Variants in CDC42BPA observed in about 807,000 individuals in gnomAD.
CDC42BPA encodes serine/threonine-protein kinase MRCK alpha.
Under a neutral mutation model 223.5 loss-of-function variants are expected in CDC42BPA, and 80 were observed. That is an observed-to-expected ratio of 0.36 (90% CI 0.30 to 0.43). The LOEUF (loss-of-function observed/expected upper bound fraction) is 0.43. CDC42BPA is among the 20% of genes least tolerant of loss of function. The pLI, the probability that CDC42BPA is intolerant of heterozygous loss-of-function variation, is 1.00. For synonymous variants in CDC42BPA, 694 were observed against 718.6 expected (o/e 0.97, Z 0.55); for missense variants, 1,743 against 2,099.9 (o/e 0.83, Z 3.32).
intron 5 of CDC42BPA, among the ~76,000 whole-genome samples, chr1:227,191,730 T>C (rs1399933257): frequency 6.6e-6 from 1 of 152,180 alleles, no homozygotes; most frequent in Non-Finnish European, 1.5e-5. Flanking sequence ...TAAATGATAG[T>C]CCTCAGCTAG....
chr1:227,128,902 A>G (rs1204417957), intron 11 of CDC42BPA, among the ~76,000 whole-genome samples: 5 of 152,138 alleles, frequency 3.3e-5, no homozygotes, highest in Non-Finnish European at 1.5e-5. Context: ...TAGCCTTTTC[A>G]TATGTATTGC....
intron 11 of CDC42BPA, among the ~76,000 whole-genome samples, chr1:227,121,234 T>C (rs575252067): frequency 1.4e-4 from 22 of 152,326 alleles, no homozygotes; most frequent in Non-Finnish European, 2.2e-4. Flanking sequence ...GCAGAATCTA[T>C]ACAGTATCCT....
intron 34 of CDC42BPA, among the ~76,000 whole-genome samples, chr1:227,006,369 T>C (rs1664050771): frequency 2.0e-5 from 3 of 152,270 alleles, no homozygotes; most frequent in South Asian, 4.2e-4. Context: ...GCACAGGCTA[T>C]GGAGGGATTT....
chr1:227,181,448 T>C (rs1667917337), intron 5 of CDC42BPA, among the ~76,000 whole-genome samples: 1 of 152,246 alleles, frequency 6.6e-6, no homozygotes, highest in South Asian at 2.1e-4. Flanking sequence ...GTCCTCCTTC[T>C]TTAAGCTATT....
chr1:227,201,713 G>A (rs1671795486), intron 3 of CDC42BPA, among the ~76,000 whole-genome samples: 1 of 150,810 alleles, frequency 6.6e-6, no homozygotes, highest in African/African-American at 2.4e-5. Flanking sequence ...TATTCACATG[G>A]TATCCCACCT....
chr1:227,136,591 A>C (rs1658614151), intron 10 of CDC42BPA, among the ~76,000 whole-genome samples: 1 of 152,244 alleles, frequency 6.6e-6, no homozygotes, highest in Non-Finnish European at 1.5e-5. Flanking sequence ...ACGTACGTGA[A>C]TCACAGTCCA....
At chr1:227,195,239 G>A (rs1411845000) in intron 4 of CDC42BPA, among the ~76,000 whole-genome samples, 2 of 152,240 alleles carry the variant, frequency 1.3e-5, no homozygotes, top group East Asian at 3.9e-4. Context: ...CTGTCGCCAG[G>A]CTGGAGTGCA....
At chr1:227,075,506 ACC>A (rs1436017079) in intron 17 of CDC42BPA, among the ~76,000 whole-genome samples, 1 of 152,186 alleles carries the variant, frequency 6.6e-6, no homozygotes, top group African/African-American at 2.4e-5. Flanking sequence ...ATGCAATAAA[ACC>A]ATGGTAAGGG....
At chr1:227,001,392 G>A (rs1160631660) in intron 35 of CDC42BPA, among the ~76,000 whole-genome samples, 1 of 152,150 alleles carries the variant, frequency 6.6e-6, no homozygotes, top group Non-Finnish European at 1.5e-5. Flanking sequence ...TGCGTTAAGG[G>A]CCTTGACAAG....
chr1:227,217,983 T>C (rs192303685), intron 2 of CDC42BPA, among the ~76,000 whole-genome samples: 1 of 152,356 alleles, frequency 6.6e-6, no homozygotes, highest in East Asian at 1.9e-4. Context: ...CACTACAATA[T>C]AAGCTAATGA....
At chr1:227,092,249 G>T (rs1339660797) in intron 15 of CDC42BPA, among the ~76,000 whole-genome samples, 1 of 152,180 alleles carries the variant, frequency 6.6e-6, no homozygotes, top group South Asian at 2.1e-4. Context: ...CCAAGGAATT[G>T]TTGCAGGTCT....
chr1:227,280,780 G>C (rs1221988063), intron 1 of CDC42BPA, among the ~76,000 whole-genome samples: 3 of 152,190 alleles, frequency 2.0e-5, no homozygotes, highest in Admixed American at 2.0e-4. Context: ...CTGCATTCTG[G>C]AAGTTCTGTT....
chr1:227,227,340 T>C (rs967583007), intron 2 of CDC42BPA, among the ~76,000 whole-genome samples: 1 of 152,180 alleles, frequency 6.6e-6, no homozygotes, highest in African/African-American at 2.4e-5. Flanking sequence ...TAAATCACAT[T>C]GTAATCCAAA....
chr1:227,106,892 G>A (rs1279508909), intron 14 of CDC42BPA, among the ~76,000 whole-genome samples: 1 of 152,114 alleles, frequency 6.6e-6, no homozygotes, highest in Admixed American at 6.5e-5. Flanking sequence ...ATTTATTTCT[G>A]TATTCTTAAT....
intron 21 of CDC42BPA, among the ~76,000 whole-genome samples, chr1:227,065,812 G>A (rs1295900365): frequency 6.6e-6 from 1 of 152,186 alleles, no homozygotes; most frequent in African/African-American, 2.4e-5. Flanking sequence ...CCCAGAGACA[G>A]AGGGAGAAGA....
intron 34 of CDC42BPA, chr1:227,011,134 T>C (rs1352306262): frequency 2.4e-6 from 2 of 824,520 alleles, no homozygotes; most frequent in Non-Finnish European, 3.4e-6. Context: ...TCACAAAACA[T>C]GCACACAGAA....
At chr1:227,210,010 TATTG>T (rs1673587779) in intron 3 of CDC42BPA, among the ~76,000 whole-genome samples, 4 of 151,476 alleles carry the variant, frequency 2.6e-5, no homozygotes, top group Admixed American at 2.6e-4. Context: ...GTTGGTAAAC[TATTG>T]ATTATTGCCA....
At chr1:227,042,765 G>GA (rs1671646985) in intron 23 of CDC42BPA, among the ~76,000 whole-genome samples, 1 of 151,824 alleles carries the variant, frequency 6.6e-6, no homozygotes, top group African/African-American at 2.4e-5. Flanking sequence ...AAAATGAAAA[G>GA]AAAAAAATCT....
At chr1:227,289,265 T>C (rs1459808557) in intron 1 of CDC42BPA, among the ~76,000 whole-genome samples, 1 of 152,162 alleles carries the variant, frequency 6.6e-6, no homozygotes, top group Non-Finnish European at 1.5e-5. Flanking sequence ...AGAAACCTCA[T>C]ACCCTACCAC....
Sources: gnomAD v4.1 joint callset for allele counts (sites outside exome capture counted in the v4.1 genomes callset) on GRCh38, gnomAD v4.1.1 for gene constraint, MANE v1.5 for transcripts, NCBI Gene and HGNC (gene_info 2026-07-23, HGNC 2026-07-21) for gene names.